FYB1: variants seen among roughly 807,000 people sequenced by gnomAD.
FYB1 encodes the protein FYN-binding protein 1.
A neutral mutation model predicts 94.1 loss-of-function variants in FYB1; 41 were observed. The ratio of observed to expected loss-of-function variants is 0.44; its 90% confidence interval spans 0.34 to 0.57. FYB1 has a LOEUF of 0.57. FYB1 is among the 20% of genes least tolerant of loss of function. The pLI is 0.02. For missense variants in FYB1, 1,050 were observed against 976.8 expected (o/e 1.07, Z -1.00); for synonymous variants, 367 against 353.2 (o/e 1.04, Z -0.44).
chr5:39,253,471 T>A (rs266918), intron 1 of FYB1, among the ~76,000 whole-genome samples: 148,739 of 152,076 alleles, frequency 0.98, 72,826 homozygotes, highest in East Asian at 1. Flanking sequence ...ATCTTTTTTT[T>A]AAAAAAAATA....
At chr5:39,121,356 T>C (rs895730881) in intron 14 of FYB1, among the ~76,000 whole-genome samples, 6 of 152,164 alleles carry the variant, frequency 3.9e-5, no homozygotes, top group African/African-American at 1.4e-4. Flanking sequence ...CCTGTGGAAC[T>C]TGATCTTCAT....
chr5:39,214,714 G>T (rs1161938079), intron 1 of FYB1, among the ~76,000 whole-genome samples: 1 of 152,198 alleles, frequency 6.6e-6, no homozygotes, highest in African/African-American at 2.4e-5. Context: ...GATCACTTGA[G>T]GTCAGGAGTT....
At chr5:39,248,629 G>C (rs1190175081) in intron 1 of FYB1, among the ~76,000 whole-genome samples, 1 of 152,196 alleles carries the variant, frequency 6.6e-6, no homozygotes, top group Non-Finnish European at 1.5e-5. Flanking sequence ...TTGAGGTCAG[G>C]AGTTCGAGAC....
intron 3 of FYB1, among the ~76,000 whole-genome samples, chr5:39,149,190 G>T (rs1206934389): frequency 6.6e-6 from 1 of 152,162 alleles, no homozygotes; most frequent in Admixed American, 6.5e-5. Flanking sequence ...ATTCTCACCT[G>T]TCTGGAATCT....
chr5:39,119,587 T>G lies in FYB1; in HGVS notation c.2186A>C (p.Lys729Thr). The G allele has an allele frequency of 6.4e-7, 1 of 1,551,206 alleles. No individual in the cohort carries two copies. Among genetic ancestry groups the G allele is most frequent in the South Asian group, 1.2e-5 (1 of 82,818 alleles). Residue 729 changes from lysine (K) to threonine (T), a missense_variant, in exon 15 of 19, where the codon AAG becomes ACG. By Grantham distance (78) the Lys-to-Thr change is moderately conservative. Transcript: ENST00000512982. ...GKAKTEEKDL[K>T]KLKKQEKEEK... ...TTCTTTTTCCTGCTTTTTTAGCTTC[T>G]TAAGGTCCTTTTCTTCTGTCTTAGC...
intron 2 of FYB1, among the ~76,000 whole-genome samples, chr5:39,193,466 C>T (rs1747543460): frequency 6.6e-6 from 1 of 152,178 alleles, no homozygotes; most frequent in Non-Finnish European, 1.5e-5. Context: ...AAGATAACAT[C>T]ATGCATAAAC....
At chr5:39,153,040 T>A (rs1864215) in intron 3 of FYB1, among the ~76,000 whole-genome samples, 94 of 152,286 alleles carry the variant, frequency 6.2e-4, no homozygotes, top group African/African-American at 2.2e-3. Context: ...AGAGATGATA[T>A]ATGTAAAAGT....
chr5:39,172,135 A>G (rs1210247784), intron 2 of FYB1, among the ~76,000 whole-genome samples: 3 of 152,300 alleles, frequency 2.0e-5, no homozygotes, highest in Admixed American at 6.5e-5. Flanking sequence ...CACTGAAAGG[A>G]TAGAATCCCT....
At chr5:39,123,067 T>C (rs1480159974) in intron 13 of FYB1, among the ~76,000 whole-genome samples, 1 of 152,218 alleles carries the variant, frequency 6.6e-6, no homozygotes. Context: ...TCTAGACTTC[T>C]TACTAATAAA....
chr5:39,216,792 T>A (rs762066564), intron 1 of FYB1, among the ~76,000 whole-genome samples: 6 of 152,198 alleles, frequency 3.9e-5, no homozygotes, highest in Non-Finnish European at 8.8e-5. Context: ...ACAGGCAGCA[T>A]GTGAATTTGG....
At chr5:39,108,758 G>A (rs1738777257) in intron 17 of FYB1, among the ~76,000 whole-genome samples, 1 of 151,924 alleles carries the variant, frequency 6.6e-6, no homozygotes, top group South Asian at 2.1e-4. Context: ...ATTAGTTACA[G>A]AATAAGTAGC....
intron 8 of FYB1, among the ~76,000 whole-genome samples, 191 bp downstream of exon 8, chr5:39,134,664 T>C (rs970703843): frequency 2.0e-5 from 3 of 152,184 alleles, no homozygotes; most frequent in Admixed American, 6.5e-5. Flanking sequence ...AAACTGTACG[T>C]TGTTTCCCAC....
chr5:39,107,550 T>C, intron 18 of FYB1, 85 bp from the exon 19 acceptor site: 1 of 867,304 alleles, frequency 1.2e-6, no homozygotes, highest in Non-Finnish European at 1.8e-6. Flanking sequence ...GGGTGATTCA[T>C]ACTCTCCTGG....
chr5:39,152,795 G>A (rs527404351), intron 3 of FYB1, among the ~76,000 whole-genome samples: 5 of 152,226 alleles, frequency 3.3e-5, no homozygotes, highest in East Asian at 3.9e-4. Context: ...AGATGTTAAC[G>A]CCCAGCCAAA....
At chr5:39,213,015 C>G (rs1749553333) in intron 1 of FYB1, 1 of 142,432 alleles carries the variant, frequency 7.0e-6, no homozygotes, top group Non-Finnish European at 1.5e-5. Context: ...CTTTACACGC[C>G]CCCTGCCAAA....
chr5:39,201,741 C>G (rs1748329051), intron 2 of FYB1, 85 bp downstream of exon 2: 2 of 1,230,176 alleles, frequency 1.6e-6, no homozygotes, highest in Admixed American at 5.3e-5. Flanking sequence ...AGAATCATTC[C>G]TTGTTACAAA....
chr5:39,270,206 C>T (rs1009207266), intron 1 of FYB1, among the ~76,000 whole-genome samples: 4 of 152,138 alleles, frequency 2.6e-5, no homozygotes, highest in Non-Finnish European at 5.9e-5. Flanking sequence ...CCAACATTCG[C>T]CACTGGAGTC....
intron 11 of FYB1, among the ~76,000 whole-genome samples, chr5:39,127,503 T>C (rs1277659923): frequency 6.6e-6 from 1 of 151,986 alleles, no homozygotes; most frequent in African/African-American, 2.4e-5. Flanking sequence ...ATCTTTTGTT[T>C]TCATTTCACT....
chr5:39,151,734 T>C (rs1013738340), intron 3 of FYB1, among the ~76,000 whole-genome samples: 1 of 152,236 alleles, frequency 6.6e-6, no homozygotes, highest in Non-Finnish European at 1.5e-5. Flanking sequence ...AAAGGAAATC[T>C]ATTAGATCTT....
Sources: allele counts gnomAD v4.1 joint callset (sites outside exome capture counted in the v4.1 genomes callset), GRCh38; gene constraint gnomAD v4.1.1; transcripts MANE v1.5; gene names NCBI Gene and HGNC (gene_info 2026-07-23, HGNC 2026-07-21).